Variants in ABRACL observed in about 807,000 individuals in gnomAD.
ABRACL encodes costars family protein ABRACL.
A neutral mutation model predicts 7.0 loss-of-function variants in ABRACL; 4 were observed. The observed-to-expected ratio is 0.57, with a 90% CI of 0.28 to 1.30. The LOEUF is 1.30. Among genes scored for constraint, ABRACL ranks in the 50% most tolerant of loss-of-function variants. ABRACL has a pLI of 0.10. For synonymous variants in ABRACL, 30 were observed against 36.0 expected (o/e 0.83, Z 0.60); for missense variants, 104 against 97.3 (o/e 1.07, Z -0.29).
At chr6:139,030,788 A>C (rs188038362) in intron 1 of ABRACL, among the ~76,000 whole-genome samples, 13 of 152,342 alleles carry the variant, frequency 8.5e-5, no homozygotes, top group Non-Finnish European at 1.8e-4. Context: ...TGGTAGAGAC[A>C]GCATTTAATT....
chr6:139,030,408 TC>T (rs1786064711), intron 1 of ABRACL, among the ~76,000 whole-genome samples: 1 of 152,214 alleles, frequency 6.6e-6, no homozygotes, highest in Non-Finnish European at 1.5e-5. Flanking sequence ...CATCAACCTC[TC>T]TTCACCCTCC....
Position 139,039,963 on chromosome 6 carries a change from T to C in ABRACL, c.62-2756T>C, listed in dbSNP as rs370928843. 9.9e-5 allele frequency among the ~76,000 whole-genome samples: 15 copies of C among 152,154 alleles called. No individual in the cohort carries two copies. The South Asian group carries it at 2.3e-3, about 23-fold the overall frequency. ...TAAATTAAGTTTGGTGGTGCACGCC[T>C]GTAGTCCCAGCTACGTGGGAGGCTT... On this transcript the variant is annotated intron_variant, in intron 2 of 2. Transcript: ENST00000367660.
chr6:139,041,425 ATCTCTCTC>A (rs72110050), intron 2 of ABRACL, among the ~76,000 whole-genome samples: 2 of 117,260 alleles, frequency 1.7e-5, no homozygotes, highest in Non-Finnish European at 3.4e-5. Context: ...CACCAGACCC[ATCTCTCTC>A]TCTCTCTCTC....
intron 2 of ABRACL, among the ~76,000 whole-genome samples, chr6:139,039,813 A>C (rs1786217571): frequency 6.6e-6 from 1 of 152,182 alleles, no homozygotes; most frequent in Admixed American, 6.5e-5. Context: ...ATAGGGAGCC[A>C]TTGAAATATT....
At chr6:139,036,293 A>G (rs1786155364) in intron 2 of ABRACL, among the ~76,000 whole-genome samples, 2 of 152,222 alleles carry the variant, frequency 1.3e-5, no homozygotes, top group African/African-American at 4.8e-5. Flanking sequence ...GCTCACCCAG[A>G]TAATCTAGGA....
At chr6:139,031,179 C>T (rs1480495787) in intron 1 of ABRACL, among the ~76,000 whole-genome samples, 1 of 152,186 alleles carries the variant, frequency 6.6e-6, no homozygotes, top group African/African-American at 2.4e-5. Flanking sequence ...TTCATTCTCC[C>T]TCTGTCCAGT....
intron 2 of ABRACL, among the ~76,000 whole-genome samples, chr6:139,038,297 A>T (rs1786194932): frequency 6.6e-6 from 1 of 152,224 alleles, no homozygotes; most frequent in South Asian, 2.1e-4. Flanking sequence ...AAGACTTAAG[A>T]TAATTATCGT....
At chr6:139,037,359 C>T (rs1786176811) in intron 2 of ABRACL, among the ~76,000 whole-genome samples, 1 of 152,094 alleles carries the variant, frequency 6.6e-6, no homozygotes, top group Non-Finnish European at 1.5e-5. Context: ...CTTCTGAGTG[C>T]AGGCAATTCT....
At chr6:139,040,996 CA>C (rs1314400848) in intron 2 of ABRACL, among the ~76,000 whole-genome samples, 1 of 152,212 alleles carries the variant, frequency 6.6e-6, no homozygotes. Context: ...CCATTTTACA[CA>C]GGAGGAAGCC....
At chr6:139,033,715 C>A (rs1267869239) in intron 1 of ABRACL, among the ~76,000 whole-genome samples, 2 of 152,188 alleles carry the variant, frequency 1.3e-5, no homozygotes, top group African/African-American at 4.8e-5. Context: ...ACCCACCACT[C>A]AAAGAGTATT....
rs573558747 is a variant in ABRACL, at chr6:139,042,784, T to C, written c.127T>C (p.Phe43Leu). The change falls in exon 3 of 3, where the codon TTT becomes CTT. Residue 43 changes from phenylalanine (F) to leucine (L), a missense_variant. Transcript: ENST00000367660. ...CCGTGATGATAAATGTGCCAACCTC[T>C]TTGAAGCATTGGTAGGAACTCTTAA... ...LFRDDKCANL[F>L]EALVGTLKAA... The C allele has an allele frequency of 3.7e-6, 6 of 1,614,076 alleles. No homozygotes were observed. Among genetic ancestry groups the C allele is most frequent in the Admixed American group, 1.7e-5 (1 of 59,992 alleles).
chr6:139,032,973 C>A (rs1003101414), intron 1 of ABRACL, among the ~76,000 whole-genome samples: 2 of 152,176 alleles, frequency 1.3e-5, no homozygotes, highest in Non-Finnish European at 2.9e-5. Flanking sequence ...AAATGTAATT[C>A]CAATTAAGTG....
At chr6:139,032,270 A>G (rs770883834) in intron 1 of ABRACL, among the ~76,000 whole-genome samples, 3 of 152,048 alleles carry the variant, frequency 2.0e-5, no homozygotes, top group Non-Finnish European at 4.4e-5. Flanking sequence ...GGGCTTTCCT[A>G]CTTTTATTCT....
At chr6:139,035,170 G>A (rs1786135094) in intron 2 of ABRACL, among the ~76,000 whole-genome samples, 1 of 152,136 alleles carries the variant, frequency 6.6e-6, no homozygotes, top group Non-Finnish European at 1.5e-5. Context: ...ATTCCATTAA[G>A]CCATTAATAT....
chr6:139,042,141 G>A (rs924479196), intron 2 of ABRACL, among the ~76,000 whole-genome samples: 4 of 152,114 alleles, frequency 2.6e-5, no homozygotes, highest in African/African-American at 9.7e-5. Flanking sequence ...TCTACTTTTG[G>A]TCTATCTTAA....
At chr6:139,029,975 C>G (rs1786056375) in intron 1 of ABRACL, among the ~76,000 whole-genome samples, 2 of 152,110 alleles carry the variant, frequency 1.3e-5, no homozygotes, top group African/African-American at 4.8e-5. Context: ...GCCCAGTCCT[C>G]CGACTTTCCG....
At chr6:139,037,564 A>C (rs912642064) in intron 2 of ABRACL, among the ~76,000 whole-genome samples, 3 of 151,702 alleles carry the variant, frequency 2.0e-5, no homozygotes, top group African/African-American at 7.3e-5. Context: ...TCTGGCCATA[A>C]TGTATTTAGT....
At chr6:139,033,821 G>A (rs1786115028) in intron 1 of ABRACL, among the ~76,000 whole-genome samples, 1 of 104,480 alleles carries the variant, frequency 9.6e-6, no homozygotes, top group Non-Finnish European at 2.2e-5. Flanking sequence ...TATTTTTGGT[G>A]CCTGGCAGGA....
intron 2 of ABRACL, among the ~76,000 whole-genome samples, chr6:139,037,516 C>T (rs1047035250): frequency 2.3e-4 from 35 of 152,152 alleles, no homozygotes; most frequent in Admixed American, 1.8e-3. Context: ...CTGCCTCAGC[C>T]TCCCAAAGTG....
Sources: gnomAD v4.1 joint callset for allele counts (sites outside exome capture counted in the v4.1 genomes callset) on GRCh38, gnomAD v4.1.1 for gene constraint, MANE v1.5 for transcripts, NCBI Gene and HGNC (gene_info 2026-07-23, HGNC 2026-07-21) for gene names.